Variants in MOV10L1 observed in about 807,000 individuals in gnomAD.
MOV10L1 encodes the protein Mov10 like RNA helicase 1, also known as RNA helicase Mov10l1.
Under a neutral mutation model 143.8 loss-of-function variants are expected in MOV10L1, and 110 were observed. The ratio of observed to expected loss-of-function variants is 0.76; its 90% confidence interval spans 0.66 to 0.90. MOV10L1 has a LOEUF of 0.90. MOV10L1 is among the 40% of genes least tolerant of loss of function. The pLI is 0.00. For synonymous variants in MOV10L1, 593 were observed against 581.1 expected, an observed-to-expected ratio of 1.02 and a Z score of -0.29; for missense variants, 1,406 against 1,526.8, an observed-to-expected ratio of 0.92 and a Z score of 1.32.
intron 6 of MOV10L1, 43 bp downstream of exon 6, chr22:50,113,831 G>C (rs2062088440): frequency 2.6e-6 from 4 of 1,516,410 alleles, no homozygotes; most frequent in Non-Finnish European, 3.5e-6. Flanking sequence ...CTACATTAAT[G>C]GCTTTTACAC....
chr22:50,096,591 A>C (rs2062594507), intron 2 of MOV10L1, among the ~76,000 whole-genome samples: 1 of 152,216 alleles, frequency 6.6e-6, no homozygotes, highest in African/African-American at 2.4e-5. Flanking sequence ...GTTCCCACCA[A>C]CAGTGCATGA....
intron 16 of MOV10L1, among the ~76,000 whole-genome samples, chr22:50,142,766 A>G (rs1452187390): frequency 6.6e-6 from 1 of 151,736 alleles, no homozygotes; most frequent in Non-Finnish European, 1.5e-5. Flanking sequence ...AGCTCAGGAG[A>G]TGGAGGTTAC....
Position 50,150,962 on chromosome 22 carries a change from C to T in MOV10L1, c.2892+63C>T, listed in dbSNP as rs564748544. On this transcript the variant is annotated intron_variant, in intron 21 of 26. Coordinates refer to ENST00000262794, the MANE Select transcript of MOV10L1 (RefSeq NM_018995.3). ...AAGCAGACACAGGCTCCAGGGCAGT[C>T]GAGCAGCTCACTCTTCTGTCCACCT... 9.4e-6 allele frequency: 15 copies of T among 1,592,398 alleles called. 1 individual carries two copies. Among genetic ancestry groups the T allele is most frequent in the South Asian group, 7.9e-5 (7 of 88,092 alleles).
chr22:50,144,666 C>T (rs1207961942), intron 18 of MOV10L1, among the ~76,000 whole-genome samples: 4 of 151,840 alleles, frequency 2.6e-5, no homozygotes, highest in Non-Finnish European at 5.9e-5. Flanking sequence ...ACTGCAAGCT[C>T]CGCCTCCCAG....
At chr22:50,134,851 TTAAAA>T (rs1218938045) in intron 15 of MOV10L1, among the ~76,000 whole-genome samples, 4 of 152,174 alleles carry the variant, frequency 2.6e-5, no homozygotes, top group Admixed American at 6.5e-5. Flanking sequence ...AAAATTGCAG[TTAAAA>T]TAAAGTGAAC....
chr22:50,145,790 G>A lies in MOV10L1; in HGVS notation c.2607G>A (p.Leu869=). The change falls in exon 19 of 27, where the codon CTG becomes CTA. Residue 869 remains leucine (L), a synonymous_variant. Coordinates refer to ENST00000262794, the MANE Select transcript of MOV10L1 (RefSeq NM_018995.3). The part of the protein sequence containing the change: ...IIITTCSSSG[L]FYQIGVRVGH... ...TCACCACATGCAGCAGCTCAGGGCT[G>A]TTTTACCAAATAGGAGTGAGGTGAG... The A allele has an allele frequency of 2.5e-6, 4 of 1,614,046 alleles. No individual in the cohort carries two copies. Among genetic ancestry groups the A allele is most frequent in the East Asian group, 4.5e-5 (2 of 44,882 alleles).
chr22:50,114,634 T>G lies in MOV10L1; in HGVS notation c.1126+12T>G, dbSNP rs762690824. The G allele has an allele frequency of 1.2e-6, 2 of 1,612,330 alleles. No homozygotes were observed. The highest frequency in any genetic ancestry group is 2.2e-5 in the South Asian group (2 of 91,014). On this transcript the variant is annotated intron_variant, in intron 7 of 26. Transcript: ENST00000262794. Reference sequence around the variant, plus strand: ...AGGAATCTCTCCAGGTAGTGGACGTTTCGGCTGTCACTGCGTGAGGTCGGG... The same window carrying G: ...AGGAATCTCTCCAGGTAGTGGACGTGTCGGCTGTCACTGCGTGAGGTCGGG...
At position 50,134,088 on chromosome 22, in the gene MOV10L1, G is replaced by A. The variant is rs149227943; in HGVS notation, c.1969+23G>A. The A allele has an allele frequency of 5.5e-5, 87 of 1,577,594 alleles. No individual in the cohort carries two copies. The African/African-American group carries it at 9.9e-4, about 18-fold the overall frequency. On this transcript the variant is annotated intron_variant, in intron 14 of 26. Transcript: ENST00000262794. ...AAGGTATTACTTTTATAGAATGATAGTGTTACATCTTCACAGAGTATTTTT... is the reference window on the plus strand; with the variant it reads ...AAGGTATTACTTTTATAGAATGATAATGTTACATCTTCACAGAGTATTTTT...
rs185231385 is a variant in MOV10L1, at chr22:50,144,631, A to G, written c.2505+388A>G. Among the ~76,000 whole-genome samples, 1,366 of 150,660 alleles carry G rather than the reference A, an allele frequency of 9.1e-3. 12 individuals are homozygous for G. Among genetic ancestry groups the G allele is most frequent in the African/African-American group, 0.019 (766 of 40,802 alleles). On this transcript the variant is annotated intron_variant, in intron 18 of 26. Transcript: ENST00000262794. ...GAGTCTCGCTGTGTCGCCCAGGCTG[A>G]AGTGCAGTGGCATGATCTCGGCTCA...
At chr22:50,156,305 G>A (rs1367136177) in intron 22 of MOV10L1, among the ~76,000 whole-genome samples, 2 of 151,770 alleles carry the variant, frequency 1.3e-5, no homozygotes, top group African/African-American at 2.4e-5. Context: ...TAGTAGAGAC[G>A]GGGTTTCACC....
At chr22:50,145,870 C>T in intron 19 of MOV10L1, 60 bp downstream of exon 19, 1 of 1,601,488 alleles carries the variant, frequency 6.2e-7, no homozygotes, top group Non-Finnish European at 8.5e-7. Flanking sequence ...GGAGTCCTCT[C>T]CTAGCTTCTG....
At position 50,114,963 on chromosome 22, in the gene MOV10L1, T is replaced by C. The variant is rs2062130501; in HGVS notation, c.1127-151T>C. ...TCCAGCTGCTCTCTCTCTTTATGTT[T>C]TTCCAGCCACCACCTGAGGCTTTGC... On this transcript the variant is annotated intron_variant, in intron 7 of 26. Transcript: ENST00000262794. The C allele has an allele frequency of 4.6e-6, 4 of 874,912 alleles. No individual in the cohort carries two copies. In the South Asian group the frequency reaches 6.0e-5, roughly 13 times the overall value. 54.2% of individuals were successfully genotyped at this position (874,912 alleles called of 1,614,324 possible).
intron 5 of MOV10L1, 55 bp downstream of exon 5, chr22:50,108,899 C>T: frequency 6.4e-7 from 1 of 1,554,740 alleles, no homozygotes; most frequent in Non-Finnish European, 8.8e-7. Context: ...AATCCTAGCA[C>T]TTTGGGAGGC....
At chr22:50,157,761 C>CAA (rs35212822) in intron 22 of MOV10L1, among the ~76,000 whole-genome samples, 22,665 of 119,750 alleles carry the variant, frequency 0.19, 2,309 homozygotes, top group Admixed American at 0.3. Flanking sequence ...GGTCTAATAT[C>CAA]AAAAAAAAAA....
intron 16 of MOV10L1, 146 bp downstream of exon 16, chr22:50,142,335 C>CAGGG: frequency 1.8e-6 from 1 of 557,706 alleles, no homozygotes; most frequent in Non-Finnish European, 3.1e-6. Flanking sequence ...TCCACCCTGA[C>CAGGG]TGGAGACTTG....
At chr22:50,116,403 C>T (rs1416005950) in intron 8 of MOV10L1, among the ~76,000 whole-genome samples, 1 of 149,504 alleles carries the variant, frequency 6.7e-6, no homozygotes, top group Non-Finnish European at 1.5e-5. Flanking sequence ...GCCGAGATCA[C>T]GCCACCGCAC....
At chr22:50,100,772 T>C (rs1164532817) in intron 3 of MOV10L1, among the ~76,000 whole-genome samples, 1 of 152,266 alleles carries the variant, frequency 6.6e-6, no homozygotes, top group Non-Finnish European at 1.5e-5. Flanking sequence ...CCCAAAGTGC[T>C]GGGATTACAG....
intron 22 of MOV10L1, 132 bp from the exon 23 acceptor site, chr22:50,157,925 G>A: frequency 9.0e-7 from 1 of 1,105,802 alleles, no homozygotes; most frequent in South Asian, 1.6e-5. Flanking sequence ...TCACATGTAA[G>A]TTCTGCACGA....
At chr22:50,117,494 G>A in intron 9 of MOV10L1, 143 bp downstream of exon 9, 1 of 838,488 alleles carries the variant, frequency 1.2e-6, no homozygotes, top group Non-Finnish European at 1.8e-6. Context: ...CTCTTTCCAT[G>A]ATTGTATTTG....
Sources: allele counts gnomAD v4.1 joint callset (sites outside exome capture counted in the v4.1 genomes callset), GRCh38; gene constraint gnomAD v4.1.1; transcripts MANE v1.5; gene names NCBI Gene and HGNC (gene_info 2026-07-23, HGNC 2026-07-21).